AFG2A: variants seen among roughly 807,000 people sequenced by gnomAD.
AFG2A encodes the protein AAA ATPase AFG2A.
the AFG2A span, among the ~76,000 whole-genome samples, chr4:123,252,667 T>C: frequency 6.6e-6 from 1 of 152,254 alleles, no homozygotes; most frequent in Non-Finnish European, 1.5e-5. Flanking sequence ...TATCAACTTA[T>C]ATGTACAAGT....
the AFG2A span, among the ~76,000 whole-genome samples, chr4:122,980,798 A>T: frequency 6.6e-6 from 1 of 152,152 alleles, no homozygotes; most frequent in Non-Finnish European, 1.5e-5. Context: ...GTCTTCTTTT[A>T]ACAAATGTTA....
chr4:123,074,369 A>C, the AFG2A span, among the ~76,000 whole-genome samples: 1 of 142,708 alleles, frequency 7.0e-6, no homozygotes. Flanking sequence ...TCATAAGGGG[A>C]CTCTATACTT....
the AFG2A span, among the ~76,000 whole-genome samples, chr4:123,068,201 G>T: frequency 6.6e-6 from 1 of 151,252 alleles, no homozygotes; most frequent in Non-Finnish European, 1.5e-5. Context: ...AGTTGTTTTT[G>T]ATTTCCTAGG....
At chr4:123,160,228 T>G in the AFG2A span, among the ~76,000 whole-genome samples, 1 of 152,130 alleles carries the variant, frequency 6.6e-6, no homozygotes, top group African/African-American at 2.4e-5. Context: ...CAACACAGCA[T>G]GCTAAATTAG....
At chr4:123,225,564 G>A in the AFG2A span, among the ~76,000 whole-genome samples, 6 of 151,812 alleles carry the variant, frequency 4.0e-5, no homozygotes, top group Non-Finnish European at 7.4e-5. Flanking sequence ...TGTTCCATTG[G>A]TCTATATCTC....
chr4:123,262,013 C>A, the AFG2A span, among the ~76,000 whole-genome samples: 1 of 152,098 alleles, frequency 6.6e-6, no homozygotes, highest in African/African-American at 2.4e-5. Flanking sequence ...TGGCCTCAAG[C>A]AATCCTCCTA....
At chr4:123,189,419 T>A in the AFG2A span, among the ~76,000 whole-genome samples, 1 of 152,190 alleles carries the variant, frequency 6.6e-6, no homozygotes, top group African/African-American at 2.4e-5. Flanking sequence ...AGCCTCCTTT[T>A]TCAGCTAGAG....
chr4:123,175,072 C>A, the AFG2A span, among the ~76,000 whole-genome samples: 1 of 152,028 alleles, frequency 6.6e-6, no homozygotes, highest in Admixed American at 6.6e-5. Flanking sequence ...AGCCATCATG[C>A]CCAGCCTATT....
the AFG2A span, among the ~76,000 whole-genome samples, chr4:122,983,144 G>C: frequency 6.6e-6 from 1 of 151,964 alleles, no homozygotes; most frequent in Non-Finnish European, 1.5e-5. Context: ...AGGATTACAG[G>C]TGTGAGCACC....
the AFG2A span, among the ~76,000 whole-genome samples, chr4:123,085,898 G>A: frequency 0.016 from 2,393 of 151,688 alleles, 33 homozygotes; most frequent in Non-Finnish European, 0.025. Flanking sequence ...GTTACCCTAA[G>A]TTTTGCAATA....
At chr4:123,016,614 C>T in the AFG2A span, among the ~76,000 whole-genome samples, 35 of 150,790 alleles carry the variant, frequency 2.3e-4, no homozygotes, top group Non-Finnish European at 3.5e-4. Flanking sequence ...GGCGGCCGGG[C>T]AGAGACGCTC....
chr4:123,253,511 A>G, the AFG2A span, among the ~76,000 whole-genome samples: 1 of 150,330 alleles, frequency 6.7e-6, no homozygotes, highest in Non-Finnish European at 1.5e-5. Flanking sequence ...ATAGCTGGGC[A>G]TGGTGGTGCA....
the AFG2A span, among the ~76,000 whole-genome samples, chr4:123,203,506 G>C: frequency 6.6e-6 from 1 of 152,174 alleles, no homozygotes. Flanking sequence ...TTGAACTCCT[G>C]ACCTCAGGTG....
chr4:123,262,215 G>A, the AFG2A span, among the ~76,000 whole-genome samples: 1 of 152,094 alleles, frequency 6.6e-6, no homozygotes, highest in African/African-American at 2.4e-5. Context: ...TATTAGATGG[G>A]TGGTACATTT....
At chr4:122,987,741 G>C in the AFG2A span, among the ~76,000 whole-genome samples, 1 of 151,950 alleles carries the variant, frequency 6.6e-6, no homozygotes, top group Non-Finnish European at 1.5e-5. Flanking sequence ...CTGATGTCAC[G>C]TTTTGCATCT....
the AFG2A span, among the ~76,000 whole-genome samples, chr4:123,111,092 C>T: frequency 1.3e-5 from 2 of 152,130 alleles, no homozygotes; most frequent in African/African-American, 2.4e-5. Flanking sequence ...TTGCTGATTC[C>T]GTGGAGTAAT....
chr4:123,122,540 T>G, the AFG2A span, among the ~76,000 whole-genome samples: 3 of 152,226 alleles, frequency 2.0e-5, no homozygotes, highest in African/African-American at 7.2e-5. Flanking sequence ...TGAACATGTA[T>G]CACTTTCACA....
the AFG2A span, among the ~76,000 whole-genome samples, chr4:123,017,086 C>T: frequency 1.9e-4 from 29 of 150,744 alleles, no homozygotes; most frequent in African/African-American, 5.1e-4. Context: ...AGTCCAGCTT[C>T]GGCTCGGCAT....
At chr4:123,105,804 A>C in the AFG2A span, among the ~76,000 whole-genome samples, 3 of 152,192 alleles carry the variant, frequency 2.0e-5, no homozygotes, top group Non-Finnish European at 4.4e-5. Flanking sequence ...ATGGATGAGG[A>C]GTTATTTCTT....
Sources: allele counts gnomAD v4.1 joint callset (sites outside exome capture counted in the v4.1 genomes callset), GRCh38; gene constraint gnomAD v4.1.1; transcripts MANE v1.5; gene names NCBI Gene and HGNC (gene_info 2026-07-23, HGNC 2026-07-21).